ZNF791: variants seen among roughly 807,000 people sequenced by gnomAD.
ZNF791 encodes zinc finger protein 791.
A neutral mutation model predicts 11.5 loss-of-function variants in ZNF791; 4 were observed. The observed-to-expected ratio is 0.35, with a 90% CI of 0.17 to 0.80. The LOEUF (loss-of-function observed/expected upper bound fraction) is 0.80. ZNF791 is among the 30% of genes least tolerant of loss of function. ZNF791 has a pLI of 0.53. For missense variants in ZNF791, 559 were observed against 699.4 expected (o/e 0.80, Z 2.26); for synonymous variants, 212 against 228.1 (o/e 0.93, Z 0.64).
intron 1 of ZNF791, among the ~76,000 whole-genome samples, chr19:12,621,487 G>A (rs953805875): frequency 1.9e-5 from 2 of 105,578 alleles, no homozygotes; most frequent in Non-Finnish European, 2.7e-5. Context: ...CCAACACATA[G>A]GGATATATAT....
In ZNF791 at chr19:12,621,715, GGT is replaced by G. The variant is rs1568288250; in HGVS notation, c.4-1983_4-1982del. Among the ~76,000 whole-genome samples, 57 of 69,996 alleles carry G rather than the reference GGT, an allele frequency of 8.1e-4. 7 individuals carry two copies. The highest frequency in any genetic ancestry group is 2.5e-3 in the African/African-American group (55 of 21,920). The allele number at this position is 69,996 out of a possible 152,430, so 45.9% of individuals were successfully genotyped here. A position where few individuals can be genotyped will look rare whatever the true frequency, so the allele number is the denominator to read the frequency against. On this transcript the variant is annotated intron_variant, in intron 1 of 3. Transcript: ENST00000343325. ...ATTTACTTATTAAAACCTCCACCTC[GGT>G]GGGGGGTCAGCCCCCCTGCCCGGCC... is the stretch of plus-strand genomic sequence containing the variant.
At chr19:12,626,695 C>T (rs1227172277) in intron 3 of ZNF791, among the ~76,000 whole-genome samples, 2 of 152,084 alleles carry the variant, frequency 1.3e-5, no homozygotes, top group South Asian at 2.1e-4. Context: ...AGCTCCGCCT[C>T]CCAGGTTCAC....
chr19:12,628,606 A>G lies in ZNF791; in HGVS notation c.1077A>G (p.Lys359=), dbSNP rs1329444690. The change falls in exon 4 of 4, where the codon AAA becomes AAG. Residue 359 remains lysine, a synonymous_variant. Coordinates refer to ENST00000343325, the MANE Select transcript of ZNF791 (RefSeq NM_153358.3). The stretch of plus-strand genomic sequence containing the variant: ...CTGGAGAGAAACCCTATAAGTGTAA[A>G]GAATGTGGGAAAGCCTTTAGTAGAA... ...VHTGEKPYKC[K]ECGKAFSRIS... The G allele has an allele frequency of 1.2e-6, 2 of 1,603,104 alleles. No individual in the cohort carries two copies. The highest frequency in any genetic ancestry group is 1.7e-6 in the Non-Finnish European group (2 of 1,175,342).
chr19:12,628,194 G>A lies in ZNF791; in HGVS notation c.665G>A (p.Gly222Glu). Residue 222 changes from glycine (G) to glutamate (E), a missense_variant, in exon 4 of 4, where the codon GGG (glycine) becomes GAG (glutamate). By Grantham distance (98) the Gly-to-Glu change is moderately conservative (BLOSUM62 -2). Coordinates refer to ENST00000343325, the MANE Select transcript of ZNF791 (RefSeq NM_153358.3). ...GEKPYECKQC[G>E]KAFSCSSSIR... ...AAGCCCTATGAATGTAAACAATGTG[G>A]GAAAGCCTTCAGTTGTTCCAGTTCT... 6.2e-7 allele frequency: 1 copy of A among 1,613,966 alleles called. No homozygotes were observed. Among genetic ancestry groups the A allele is most frequent in the Middle Eastern group, 1.6e-4 (1 of 6,062 alleles).
rs1218676919 is a variant in ZNF791 at position 12,628,309 on chromosome 19, AAC to A, written c.786_787del (p.Met263AspfsTer7). 1 of 1,613,724 alleles carries A rather than the reference AAC, an allele frequency of 6.2e-7. No individual in the cohort carries two copies. Among genetic ancestry groups the A allele is most frequent in the East Asian group, 2.2e-5 (1 of 44,876 alleles). On this transcript the variant is annotated frameshift_variant, in exon 4 of 4. Coordinates refer to ENST00000343325, the MANE Select transcript of ZNF791 (RefSeq NM_153358.3). LOFTEE classifies it low-confidence loss of function (END_TRUNC). ...CCTTCATTTCCCACACAAGTGTTCT[AAC>A]ACACATGATAACACACAACGGAGAT... ...KAFISHTSVLTHMITHNGDRP... is the reference protein window; with the variant it reads ...KAFISHTSVLXHMITHNGDRP...
intron 2 of ZNF791, among the ~76,000 whole-genome samples, chr19:12,624,319 A>G (rs2023396902): frequency 6.6e-6 from 1 of 150,956 alleles, no homozygotes; most frequent in African/African-American, 2.4e-5. Context: ...TGCCCGGCTA[A>G]TTTTTGTATT....
chr19:12,617,974 G>A (rs1260544107), intron 1 of ZNF791, among the ~76,000 whole-genome samples: 3 of 144,800 alleles, frequency 2.1e-5, no homozygotes, highest in East Asian at 2.0e-4. Context: ...CTGGAGTGCA[G>A]AGGCAAGAAC....
Position 12,628,264 on chromosome 19 carries a change from A to T in ZNF791, c.735A>T (p.Ala245=), listed in dbSNP as rs745502478. ...CTCACACTGGAGAGAAACCCTATGC[A>T]TGTAAGGAATGTGGGAAAGCCTTCA... ...ERTHTGEKPY[A]CKECGKAFIS... is the part of the protein sequence containing the mutation. Residue 245 remains alanine, a synonymous_variant, in exon 4 of 4, where the codon GCA becomes GCT. Transcript: ENST00000343325. 2 of 1,613,796 alleles carry T rather than the reference A, an allele frequency of 1.2e-6. No homozygotes were observed. Among genetic ancestry groups the T allele is most frequent in the East Asian group, 2.2e-5 (1 of 44,852 alleles).
chr19:12,620,292 C>G (rs2023319309), intron 1 of ZNF791, among the ~76,000 whole-genome samples: 1 of 152,108 alleles, frequency 6.6e-6, no homozygotes, highest in African/African-American at 2.4e-5. Flanking sequence ...CCTCCCACCT[C>G]AGCCTCCCAA....
At position 12,631,855 on chromosome 19, in the gene ZNF791, A is replaced by G. The variant is rs1336593251; in HGVS notation, c.*2595A>G. On this transcript the variant is annotated 3_prime_UTR_variant, in exon 4 of 4. Coordinates refer to ENST00000343325, the MANE Select transcript of ZNF791 (RefSeq NM_153358.3). ...TTGGAAGTGAGATAATTCTGTAAGTACTCTTTAAGCAGTGGTCAAAAGTTT... is the reference window on the plus strand; with the variant it reads ...TTGGAAGTGAGATAATTCTGTAAGTGCTCTTTAAGCAGTGGTCAAAAGTTT... 1 of 152,142 alleles carries G rather than the reference A, an allele frequency of 6.6e-6. No individual in the cohort carries two copies. Among genetic ancestry groups the G allele is most frequent in the African/African-American group, 2.4e-5 (1 of 41,426 alleles). The allele number at this position is 152,142 out of a possible 1,614,324, so 9.4% of individuals were successfully genotyped here.
intron 1 of ZNF791, among the ~76,000 whole-genome samples, chr19:12,622,406 TC>T (rs2023366426): frequency 1.0e-4 from 4 of 39,038 alleles, no homozygotes; most frequent in African/African-American, 3.7e-4. Context: ...AAAGACTGTC[TC>T]AAACAAAAAA....
At position 12,628,598 on chromosome 19, in the gene ZNF791, A is replaced by C. The variant is rs1213409218; in HGVS notation, c.1069A>C (p.Lys357Gln). 2.5e-6 allele frequency: 4 copies of C among 1,600,740 alleles called. No homozygotes were observed. The Admixed American group carries it at 5.2e-5, about 21-fold the overall frequency. The change falls in exon 4 of 4, where the codon AAG becomes CAG. Residue 357 changes from lysine (K) to glutamine (Q), a missense_variant. Coordinates refer to ENST00000343325, the MANE Select transcript of ZNF791 (RefSeq NM_153358.3). ...VRVHTGEKPY[K>Q]CKECGKAFSR... is the part of the protein sequence containing the mutation. ...AGTGCATACTGGAGAGAAACCCTAT[A>C]AGTGTAAAGAATGTGGGAAAGCCTT...
chr19:12,624,733 AAC>A, intron 3 of ZNF791, 23 bp downstream of exon 3: 1 of 1,579,498 alleles, frequency 6.3e-7, no homozygotes, highest in East Asian at 2.3e-5. Flanking sequence ...CACAAGAAGT[AAC>A]AGTGTTCCTT....
intron 1 of ZNF791, 131 bp from the exon 2 acceptor site, chr19:12,623,569 A>T: frequency 8.5e-7 from 1 of 1,173,166 alleles, no homozygotes; most frequent in Non-Finnish European, 1.2e-6. Flanking sequence ...ATGTGCTGTT[A>T]CATTTCTAAC....
At chr19:12,624,731 G>T in intron 3 of ZNF791, 21 bp downstream of exon 3, 1 of 1,586,064 alleles carries the variant, frequency 6.3e-7, no homozygotes, top group Non-Finnish European at 8.6e-7. Flanking sequence ...CTCACAAGAA[G>T]TAACAGTGTT....
chr19:12,623,609 C>G, intron 1 of ZNF791, 91 bp from the exon 2 acceptor site: 1 of 1,561,288 alleles, frequency 6.4e-7, no homozygotes, highest in Admixed American at 1.8e-5. Flanking sequence ...TGTTTGGAGA[C>G]CACAAAATCG....
chr19:12,611,104 A>G (rs1338123380), intron 1 of ZNF791, 22 bp downstream of exon 1: 36 of 1,613,740 alleles, frequency 2.2e-5, no homozygotes, highest in Non-Finnish European at 3.1e-5. Context: ...GGGCCGGACT[A>G]GTTGGAACCG....
At position 12,628,091 on chromosome 19, in the gene ZNF791, T is replaced by C. The variant is rs1399932690; in HGVS notation, c.562T>C (p.Tyr188His). ...HERTHIGEKP[Y>H]ECKQCGKALS... ...GCGGACTCACATTGGAGAAAAACCC[T>C]ATGAATGTAAGCAATGTGGAAAAGC... Residue 188 changes from tyrosine to histidine, a missense_variant, in exon 4 of 4, where the codon TAT (tyrosine) becomes CAT (histidine). Tyr to His is a moderately conservative substitution (Grantham distance 83). Coordinates refer to ENST00000343325, the MANE Select transcript of ZNF791 (RefSeq NM_153358.3). The C allele has an allele frequency of 6.2e-7, 1 of 1,614,098 alleles. No individual in the cohort carries two copies. The highest frequency in any genetic ancestry group is 2.2e-5 in the East Asian group (1 of 44,880).
At chr19:12,624,158 CTTTT>C (rs138811360) in intron 2 of ZNF791, among the ~76,000 whole-genome samples, 29 of 124,008 alleles carry the variant, frequency 2.3e-4, no homozygotes, top group Non-Finnish European at 2.2e-4. Flanking sequence ...GCCTGGCCTT[CTTTT>C]TTTTTTTTTT....
Sources: gnomAD v4.1 joint callset for allele counts (sites outside exome capture counted in the v4.1 genomes callset) on GRCh38, gnomAD v4.1.1 for gene constraint, MANE v1.5 for transcripts, NCBI Gene and HGNC (gene_info 2026-07-23, HGNC 2026-07-21) for gene names.